LRP1B: variants seen among roughly 807,000 people sequenced by gnomAD.
LRP1B encodes the protein LDL receptor related protein 1B.
A neutral mutation model predicts 556.6 loss-of-function variants in LRP1B; 217 were observed. The ratio of observed to expected loss-of-function variants is 0.39; its 90% CI spans 0.35 to 0.44. The LOEUF (loss-of-function observed/expected upper bound fraction) is 0.44. Ranked by LOEUF, LRP1B falls within the 20% of genes least tolerant of loss-of-function variation. The pLI is 1.00. For missense variants in LRP1B, 5,053 were observed against 5,620.8 expected, an observed-to-expected ratio of 0.90 and a Z score of 3.23; for synonymous variants, 2,047 against 1,865.8, an observed-to-expected ratio of 1.10 and a Z score of -2.50.
At chr2:142,101,459 C>T (rs901054930) in intron 1 of LRP1B, among the ~76,000 whole-genome samples, 4 of 151,870 alleles carry the variant, frequency 2.6e-5, no homozygotes, top group South Asian at 2.1e-4. Context: ...AAATGTTTGA[C>T]ATATTTTGCA....
At chr2:140,396,786 A>C (rs185752030) in intron 66 of LRP1B, among the ~76,000 whole-genome samples, 1 of 152,222 alleles carries the variant, frequency 6.6e-6, no homozygotes, top group Non-Finnish European at 1.5e-5. Flanking sequence ...ATTTCATTTT[A>C]TTATTTTGTA....
chr2:141,591,705 A>T (rs1687348638), intron 2 of LRP1B, among the ~76,000 whole-genome samples: 1 of 152,000 alleles, frequency 6.6e-6, no homozygotes, highest in African/African-American at 2.4e-5. Context: ...TGCCACACAA[A>T]TGTCGACAGG....
chr2:141,862,588 T>C (rs1279416261), intron 1 of LRP1B, among the ~76,000 whole-genome samples: 2 of 152,186 alleles, frequency 1.3e-5, no homozygotes, highest in Non-Finnish European at 2.9e-5. Context: ...TTTGTGTTTT[T>C]AGTAGAGACG....
intron 1 of LRP1B, among the ~76,000 whole-genome samples, chr2:141,983,624 A>G (rs990901004): frequency 6.6e-6 from 1 of 152,204 alleles, no homozygotes; most frequent in African/African-American, 2.4e-5. Flanking sequence ...TCTTTTCAAA[A>G]ATAGTACATT....
intron 90 of LRP1B, among the ~76,000 whole-genome samples, chr2:140,233,881 T>C (rs1680578098): frequency 6.6e-6 from 1 of 151,436 alleles, no homozygotes; most frequent in African/African-American, 2.4e-5. Flanking sequence ...AGAAATATTT[T>C]TGGACTTTTT....
At chr2:141,957,387 G>GTC (rs1574530053) in intron 1 of LRP1B, among the ~76,000 whole-genome samples, 1 of 117,666 alleles carries the variant, frequency 8.5e-6, no homozygotes, top group Non-Finnish European at 1.8e-5. Context: ...TGTGTGTGGG[G>GTC]GGGGGGGGGC....
intron 2 of LRP1B, among the ~76,000 whole-genome samples, chr2:141,597,209 G>A (rs1055110798): frequency 4.6e-5 from 7 of 151,946 alleles, no homozygotes; most frequent in South Asian, 2.1e-4. Flanking sequence ...ATTCACACAC[G>A]ATAATATTTC....
intron 39 of LRP1B, 78 bp from the exon 40 acceptor site, chr2:140,701,923 C>T (rs1686659646): frequency 6.4e-7 from 1 of 1,554,914 alleles, no homozygotes; most frequent in Non-Finnish European, 8.8e-7. Flanking sequence ...CTGAAGATAA[C>T]AGATGGACCA....
At chr2:140,778,427 G>A (rs1689573741) in intron 32 of LRP1B, among the ~76,000 whole-genome samples, 1 of 152,138 alleles carries the variant, frequency 6.6e-6, no homozygotes, top group South Asian at 2.1e-4. Flanking sequence ...AATACCGTAA[G>A]TCTGACAGCT....
intron 2 of LRP1B, among the ~76,000 whole-genome samples, chr2:141,713,677 AAATTGAAC>A (rs1253706930): frequency 6.6e-6 from 1 of 152,224 alleles, no homozygotes; most frequent in African/African-American, 2.4e-5. Flanking sequence ...ATTCAAATTT[AAATTGAAC>A]AATTGAACAG....
chr2:141,481,472 A>G lies in LRP1B; in HGVS notation c.206-939T>C, dbSNP rs959239236. 3.3e-5 allele frequency among the ~76,000 whole-genome samples: 5 copies of G among 152,208 alleles called. No homozygotes were observed. In the South Asian group the frequency reaches 6.2e-4, roughly 19 times the overall value. On this transcript the variant is annotated intron_variant, in intron 2 of 90. Transcript: ENST00000389484. Reference sequence around the variant, plus strand: ...AGATTATTGCAACAGCCTTGATTCTATAGTCCGACACACTTAGGTTTTAAT... The same window carrying G: ...AGATTATTGCAACAGCCTTGATTCTGTAGTCCGACACACTTAGGTTTTAAT...
intron 2 of LRP1B, among the ~76,000 whole-genome samples, chr2:141,514,930 A>G (rs1481829538): frequency 6.6e-6 from 1 of 152,220 alleles, no homozygotes; most frequent in African/African-American, 2.4e-5. Flanking sequence ...GTCAGGGGCC[A>G]TCTGTATAAA....
chr2:141,966,403 C>T (rs942892643), intron 1 of LRP1B, among the ~76,000 whole-genome samples: 4 of 151,856 alleles, frequency 2.6e-5, no homozygotes, highest in Admixed American at 2.6e-4. Context: ...CTCTTGGATA[C>T]AGTGACACAT....
intron 43 of LRP1B, among the ~76,000 whole-genome samples, chr2:140,547,799 T>C (rs1424555232): frequency 2.0e-5 from 3 of 152,084 alleles, no homozygotes; most frequent in East Asian, 1.9e-4. Context: ...CTATAGACTT[T>C]TGTGATTTCC....
At chr2:141,964,304 A>C (rs941907750) in intron 1 of LRP1B, among the ~76,000 whole-genome samples, 1 of 149,876 alleles carries the variant, frequency 6.7e-6, no homozygotes, top group African/African-American at 2.5e-5. Flanking sequence ...CTAAGCCAAA[A>C]GAACAAAGCT....
intron 2 of LRP1B, among the ~76,000 whole-genome samples, chr2:141,705,987 G>A (rs533755310): frequency 2.6e-5 from 4 of 151,904 alleles, no homozygotes; most frequent in South Asian, 4.2e-4. Flanking sequence ...TTCACCATTC[G>A]ACAAAAATTT....
In LRP1B at chr2:141,226,219, T is replaced by C. The variant is rs187459299; in HGVS notation, c.850+2964A>G. Reference sequence around the variant, plus strand: ...ATATCATTGAAGGTAGATTTGCTTTTCTAGTGTAAAAGAAAAAAACAGGGC... The same window carrying C: ...ATATCATTGAAGGTAGATTTGCTTTCCTAGTGTAAAAGAAAAAAACAGGGC... On this transcript the variant is annotated intron_variant, in intron 6 of 90. Transcript: ENST00000389484. Among the ~76,000 whole-genome samples, 315 of 152,218 alleles carry C rather than the reference T, an allele frequency of 2.1e-3. 2 individuals carry two copies. Among genetic ancestry groups the C allele is most frequent in the African/African-American group, 7.1e-3 (294 of 41,540 alleles).
At chr2:141,695,771 A>C (rs563553387) in intron 2 of LRP1B, among the ~76,000 whole-genome samples, 2 of 152,108 alleles carry the variant, frequency 1.3e-5, no homozygotes, top group East Asian at 3.9e-4. Context: ...TCAAAAGCCC[A>C]GGGCCAAGTT....
chr2:140,370,066 A>G (rs1682927342), intron 71 of LRP1B, among the ~76,000 whole-genome samples: 1 of 152,030 alleles, frequency 6.6e-6, no homozygotes, highest in African/African-American at 2.4e-5. Context: ...AATAACTCTA[A>G]AGAAGTAACA....
Sources: allele counts gnomAD v4.1 joint callset (sites outside exome capture counted in the v4.1 genomes callset), GRCh38; gene constraint gnomAD v4.1.1; transcripts MANE v1.5; gene names NCBI Gene and HGNC (gene_info 2026-07-23, HGNC 2026-07-21).